DCAF8L2: variants seen among roughly 807,000 people sequenced by gnomAD.
DCAF8L2 encodes the protein DDB1- and CUL4-associated factor 8-like protein 2.
For missense variants in DCAF8L2, 430 were observed against 490.7 expected, an observed-to-expected ratio of 0.88 and a Z score of 1.17; for synonymous variants, 200 against 190.9, an observed-to-expected ratio of 1.05 and a Z score of -0.39.
intron 3 of DCAF8L2, among the ~76,000 whole-genome samples, chrX:27,690,749 C>T (rs2147254184): frequency 8.9e-6 from 1 of 111,828 alleles, no homozygotes; most frequent in South Asian, 3.7e-4. Flanking sequence ...CTATGGCATA[C>T]CAAACTGAGT....
the DCAF8L2 span, among the ~76,000 whole-genome samples, chrX:27,501,002 C>T: frequency 9.0e-6 from 1 of 111,418 alleles, no homozygotes; most frequent in Non-Finnish European, 1.9e-5. Context: ...GTTCATATGC[C>T]TTTCTCTATC....
chrX:27,730,269 TTTGC>T (rs1328023700), intron 4 of DCAF8L2, among the ~76,000 whole-genome samples: 1 of 111,574 alleles, frequency 9.0e-6, no homozygotes, highest in East Asian at 2.8e-4. Context: ...TATTTGTTTG[TTTGC>T]TTGCTTATTT....
chrX:27,716,433 G>A (rs1199445414), intron 4 of DCAF8L2, among the ~76,000 whole-genome samples: 1 of 112,239 alleles, frequency 8.9e-6, no homozygotes, highest in Non-Finnish European at 1.9e-5. Flanking sequence ...AAAATACAAA[G>A]CAATTGAAAA....
chrX:27,722,861 A>G (rs1437738032), intron 4 of DCAF8L2, among the ~76,000 whole-genome samples: 2 of 111,085 alleles, frequency 1.8e-5, no homozygotes, highest in Non-Finnish European at 3.8e-5. Context: ...ATTTCATGTA[A>G]CAGATAATAA....
chrX:27,502,330 AAAAAAATATATATATATATATAT>A, the DCAF8L2 span, among the ~76,000 whole-genome samples: 18 of 35,075 alleles, frequency 5.1e-4, no homozygotes, highest in Admixed American at 1.8e-3. Context: ...AAAAAAAAAA[AAAAAAATATATATATATATATAT>A]ATATATATAT....
intron 4 of DCAF8L2, among the ~76,000 whole-genome samples, chrX:27,740,327 C>T (rs758148819): frequency 8.9e-6 from 1 of 111,769 alleles, no homozygotes; most frequent in African/African-American, 3.3e-5. Flanking sequence ...CCAGTTTAAG[C>T]CAGTTTAATT....
At chrX:27,736,967 C>T (rs1428105767) in intron 4 of DCAF8L2, among the ~76,000 whole-genome samples, 1 of 111,551 alleles carries the variant, frequency 9.0e-6, no homozygotes, top group Non-Finnish European at 1.9e-5. Flanking sequence ...TCTATTAAAC[C>T]AGACAATAAA....
the DCAF8L2 span, chrX:27,519,810 C>CA: frequency 2.3e-6 from 1 of 438,525 alleles, no homozygotes; most frequent in African/African-American, 2.5e-5. Flanking sequence ...TAAATACGAA[C>CA]AATTATCATG....
intron 3 of DCAF8L2, among the ~76,000 whole-genome samples, chrX:27,692,693 A>G (rs1377570378): frequency 8.9e-6 from 1 of 111,926 alleles, no homozygotes; most frequent in Admixed American, 9.5e-5. Context: ...TTGTTTATCT[A>G]CTTTGGTGAG....
intron 3 of DCAF8L2, among the ~76,000 whole-genome samples, chrX:27,688,050 AAG>A (rs1288854384): frequency 8.9e-6 from 1 of 111,893 alleles, no homozygotes; most frequent in Non-Finnish European, 1.9e-5. Flanking sequence ...ATAGAATAAA[AAG>A]AGTGAATTAA....
intron 2 of DCAF8L2, among the ~76,000 whole-genome samples, chrX:27,643,380 T>G (rs1928813916): frequency 9.4e-6 from 1 of 106,912 alleles, no homozygotes; most frequent in Non-Finnish European, 1.9e-5. Context: ...TGTCTTCTTT[T>G]GCAAAATGTC....
the DCAF8L2 span, among the ~76,000 whole-genome samples, chrX:27,482,199 A>C: frequency 9.0e-6 from 1 of 111,653 alleles, no homozygotes; most frequent in African/African-American, 3.2e-5. Flanking sequence ...CTTTTTAATC[A>C]TATTGCAAAT....
At chrX:27,635,324 C>T (rs6628293) in intron 2 of DCAF8L2, among the ~76,000 whole-genome samples, 20,316 of 110,442 alleles carry the variant, frequency 0.18, 1,521 homozygotes, top group East Asian at 0.43. Context: ...AATATCTTCT[C>T]AATGAAACTA....
At chrX:27,570,883 G>A in the DCAF8L2 span, among the ~76,000 whole-genome samples, 17 of 111,789 alleles carry the variant, frequency 1.5e-4, no homozygotes, top group Non-Finnish European at 2.6e-4. Flanking sequence ...CTTTCAGTCT[G>A]TTACTTATTT....
At chrX:27,486,933 G>C in the DCAF8L2 span, among the ~76,000 whole-genome samples, 14 of 111,489 alleles carry the variant, frequency 1.3e-4, no homozygotes, top group South Asian at 5.2e-3. Context: ...CTTCAGGATT[G>C]TTTTGGTTAT....
chrX:27,644,391 G>A (rs1928861574), intron 2 of DCAF8L2, among the ~76,000 whole-genome samples: 1 of 111,683 alleles, frequency 9.0e-6, no homozygotes, highest in Admixed American at 9.5e-5. Flanking sequence ...TATGTCAAGT[G>A]AATGAATAGA....
intron 1 of DCAF8L2, among the ~76,000 whole-genome samples, chrX:27,611,558 A>C (rs1279405114): frequency 9.1e-6 from 1 of 109,604 alleles, no homozygotes; most frequent in East Asian, 2.9e-4. Context: ...CTCGTCATTT[A>C]CATTAGGTAT....
chrX:27,496,619 C>T, the DCAF8L2 span, among the ~76,000 whole-genome samples: 1 of 111,756 alleles, frequency 8.9e-6, no homozygotes, highest in Non-Finnish European at 1.9e-5. Flanking sequence ...AATCACCTTT[C>T]GATTAACCAT....
the DCAF8L2 span, among the ~76,000 whole-genome samples, chrX:27,554,807 A>G: frequency 9.0e-6 from 1 of 111,559 alleles, no homozygotes; most frequent in African/African-American, 3.3e-5. Flanking sequence ...GCAAAATCCT[A>G]CAGTCAGGTG....
Sources: allele counts gnomAD v4.1 joint callset (sites outside exome capture counted in the v4.1 genomes callset), GRCh38; gene constraint gnomAD v4.1.1; transcripts MANE v1.5; gene names NCBI Gene and HGNC (gene_info 2026-07-23, HGNC 2026-07-21).